The following AHI1 variants were observed in gnomAD, a reference collection of about 807,000 sequenced individuals.
The protein encoded by AHI1 is Abelson helper integration site 1, also known as jouberin.
A neutral mutation model predicts 149.3 loss-of-function variants in AHI1; 123 were observed. The observed-to-expected ratio is 0.82, with a 90% CI of 0.71 to 0.96. AHI1 has a LOEUF of 0.96. Ranked by LOEUF, AHI1 falls within the 40% of genes least tolerant of loss-of-function variation. AHI1 has a pLI of 0.00. For synonymous variants in AHI1, 475 were observed against 459.8 expected, an observed-to-expected ratio of 1.03 and a Z score of -0.42; for missense variants, 1,439 against 1,422.7, an observed-to-expected ratio of 1.01 and a Z score of -0.18.
At chr6:135,439,850 T>C (rs1218877075) in intron 14 of AHI1, among the ~76,000 whole-genome samples, 3 of 152,056 alleles carry the variant, frequency 2.0e-5, no homozygotes, top group Non-Finnish European at 1.5e-5. Context: ...ATATACCCTA[T>C]GGAAAAAGAG....
intron 23 of AHI1, among the ~76,000 whole-genome samples, chr6:135,372,343 C>T (rs1317526903): frequency 6.6e-6 from 1 of 152,034 alleles, no homozygotes; most frequent in Non-Finnish European, 1.5e-5. Flanking sequence ...ATTAGAGAGT[C>T]TTTTAAATTA....
At chr6:135,381,511 C>T (rs1776763430) in intron 23 of AHI1, among the ~76,000 whole-genome samples, 1 of 152,158 alleles carries the variant, frequency 6.6e-6, no homozygotes, top group African/African-American at 2.4e-5. Context: ...AGAAAGCATA[C>T]TAAGATCATT....
chr6:135,383,226 C>CT lies in AHI1; in HGVS notation c.3109+11549dup, dbSNP rs764546253. Among the ~76,000 whole-genome samples, 191 of 76,848 alleles carry CT rather than the reference C, an allele frequency of 2.5e-3. 6 individuals carry two copies. Among genetic ancestry groups the CT allele is most frequent in the Non-Finnish European group, 3.4e-3 (156 of 46,392 alleles). 50.4% of individuals were successfully genotyped at this position (76,848 alleles called of 152,430 possible). ...GATTGATTCCTTCCTTCCCCCCTCC[C>CT]TTTTTTTTTTTTTTTTTTTTTGAGA... is the stretch of plus-strand genomic sequence containing the variant. On this transcript the variant is annotated intron_variant, in intron 23 of 28. Transcript: ENST00000265602.
At chr6:135,297,293 CCCAACT>C in intron 27 of AHI1, 1 of 357,318 alleles carries the variant, frequency 2.8e-6, no homozygotes, top group Non-Finnish European at 5.5e-6. Context: ...ACTGCAATTC[CCCAACT>C]CCAAGACACT....
chr6:135,306,849 C>T (rs543045876), intron 26 of AHI1: 14 of 152,226 alleles, frequency 9.2e-5, no homozygotes, highest in African/African-American at 2.6e-4. Context: ...CTGAGAGGCC[C>T]GGTTTGAGAA....
At chr6:135,348,502 A>G (rs1031130373) in intron 24 of AHI1, among the ~76,000 whole-genome samples, 2 of 152,204 alleles carry the variant, frequency 1.3e-5, no homozygotes, top group African/African-American at 4.8e-5. Flanking sequence ...GTTAAAGCAC[A>G]ATAAACACTG....
chr6:135,287,710 A>T (rs1037008217), intron 28 of AHI1, among the ~76,000 whole-genome samples: 7 of 152,262 alleles, frequency 4.6e-5, no homozygotes, highest in African/African-American at 1.7e-4. Context: ...GAAAAGAGAA[A>T]GAAACATTCT....
At chr6:135,493,522 C>T (rs1316833577) in intron 3 of AHI1, among the ~76,000 whole-genome samples, 1 of 152,138 alleles carries the variant, frequency 6.6e-6, no homozygotes, top group Non-Finnish European at 1.5e-5. Flanking sequence ...TGTATTTACT[C>T]CTTCTAGCAG....
At chr6:135,492,444 G>A in intron 3 of AHI1, 153 bp from the exon 4 acceptor site, 1 of 1,264,542 alleles carries the variant, frequency 7.9e-7, no homozygotes, top group Non-Finnish European at 1.0e-6. Context: ...TTATGCAAAT[G>A]ACTTGGGTAC....
intron 26 of AHI1, among the ~76,000 whole-genome samples, chr6:135,312,227 T>C (rs1024371563): frequency 2.6e-5 from 4 of 152,172 alleles, no homozygotes; most frequent in Non-Finnish European, 2.9e-5. Flanking sequence ...CAAACAGGGA[T>C]GTGGGCTGGG....
intron 23 of AHI1, among the ~76,000 whole-genome samples, chr6:135,366,795 C>G (rs1296577521): frequency 6.6e-6 from 1 of 151,994 alleles, no homozygotes; most frequent in African/African-American, 2.4e-5. Context: ...CTGCTCTGAT[C>G]TTTGTTATTT....
intron 7 of AHI1, 81 bp downstream of exon 7, chr6:135,465,733 T>C: frequency 3.3e-6 from 4 of 1,211,598 alleles, no homozygotes; most frequent in Non-Finnish European, 4.4e-6. Flanking sequence ...TTTTCTTTGT[T>C]AAACCACAGA....
intron 15 of AHI1, chr6:135,435,061 C>T (rs563756112): frequency 2.0e-5 from 3 of 152,266 alleles, no homozygotes; most frequent in Admixed American, 2.0e-4. Flanking sequence ...AAGGAGAAGA[C>T]ATGGACAGAA....
chr6:135,339,572 G>T lies in AHI1; in HGVS notation c.3166-16248C>A, dbSNP rs184077160. Among the ~76,000 whole-genome samples the T allele has an allele frequency of 5.3e-5, 8 of 152,240 alleles. 1 individual carries two copies. In the East Asian group the frequency reaches 1.5e-3, roughly 29 times the overall value. On this transcript the variant is annotated intron_variant, in intron 24 of 28. Coordinates refer to ENST00000265602, the MANE Select transcript of AHI1 (RefSeq NM_001134831.2). ...ATTCACTAGAGGGACTCAATAGTAG[G>T]TATAAACTGGCAGAAGAATCAGTAA...
rs1461027288 is a variant in AHI1 at position 135,492,290 on chromosome 6, T to C, written c.-53A>G. The C allele has an allele frequency of 5.9e-6, 9 of 1,516,272 alleles. No homozygotes were observed. The highest frequency in any genetic ancestry group is 1.4e-5 in the African/African-American group (1 of 72,238). 93.9% of individuals were successfully genotyped at this position (1,516,272 alleles called of 1,614,324 possible). A position where few individuals can be genotyped will look rare whatever the true frequency, so the allele number is the denominator to read the frequency against. ...ATGCAAAGCATTGACTCAATCAGGA[T>C]CCTATCGAAACAAAGGAGATGTATT... is the stretch of plus-strand genomic sequence containing the variant. On this transcript the variant is annotated splice_region_variant and 5_prime_UTR_variant, in exon 4 of 29. Coordinates refer to ENST00000265602, the MANE Select transcript of AHI1 (RefSeq NM_001134831.2).
intron 26 of AHI1, chr6:135,302,663 C>T: frequency 8.5e-7 from 1 of 1,177,752 alleles, no homozygotes; most frequent in Non-Finnish European, 1.1e-6. Flanking sequence ...TTGAAAAGGA[C>T]ACTTACTTAA....
At chr6:135,456,639 A>G (rs1789004463) in intron 9 of AHI1, among the ~76,000 whole-genome samples, 1 of 152,112 alleles carries the variant, frequency 6.6e-6, no homozygotes, top group South Asian at 2.1e-4. Flanking sequence ...GTGTGCCCTA[A>G]GGCAAATGAA....
At chr6:135,388,125 T>A in intron 23 of AHI1, 1 of 1,385,192 alleles carries the variant, frequency 7.2e-7, no homozygotes, top group Non-Finnish European at 1.0e-6. Flanking sequence ...GGCATCTGCC[T>A]ATAGAAATCA....
At chr6:135,367,387 T>C (rs899588398) in intron 23 of AHI1, among the ~76,000 whole-genome samples, 4 of 152,176 alleles carry the variant, frequency 2.6e-5, no homozygotes, top group Admixed American at 6.5e-5. Flanking sequence ...GAGCTTCTTA[T>C]ATTTGGATGT....
Sources: gnomAD v4.1 joint callset for allele counts (sites outside exome capture counted in the v4.1 genomes callset) on GRCh38, gnomAD v4.1.1 for gene constraint, MANE v1.5 for transcripts, NCBI Gene and HGNC (gene_info 2026-07-23, HGNC 2026-07-21) for gene names.